TSHZ2: variants seen among roughly 807,000 people sequenced by gnomAD.
TSHZ2 encodes teashirt homolog 2.
TSHZ2 carries 21 observed loss-of-function variants against 74.4 expected under a neutral mutation model. The observed-to-expected ratio is 0.28, with a 90% CI of 0.20 to 0.41. The LOEUF (loss-of-function observed/expected upper bound fraction) is 0.41. Ranked by LOEUF, TSHZ2 falls within the 10% of genes least tolerant of loss-of-function variation. The probability of loss-of-function intolerance (pLI) is 1.00; values close to 1 mark genes in which losing one functional copy is unlikely to be tolerated. For missense variants in TSHZ2, 1,244 were observed against 1,293.5 expected (o/e 0.96, Z 0.59); for synonymous variants, 540 against 515.3 (o/e 1.05, Z -0.65).
chr20:53,352,169 C>A (rs1568881165), intron 2 of TSHZ2, among the ~76,000 whole-genome samples: 1 of 149,578 alleles, frequency 6.7e-6, no homozygotes, highest in African/African-American at 2.5e-5. Context: ...CCACCATGTG[C>A]AAAGTTTGGT....
At chr20:53,199,526 A>G (rs1180685036) in intron 1 of TSHZ2, among the ~76,000 whole-genome samples, 1 of 152,228 alleles carries the variant, frequency 6.6e-6, no homozygotes, top group Non-Finnish European at 1.5e-5. Flanking sequence ...TGTCTATTCA[A>G]TGTAGACATC....
chr20:53,434,588 G>T (rs145444996), intron 2 of TSHZ2, among the ~76,000 whole-genome samples: 1 of 152,336 alleles, frequency 6.6e-6, no homozygotes, highest in East Asian at 1.9e-4. Context: ...CCGTTAGGGG[G>T]ATATTAGACT....
At chr20:53,463,822 A>C (rs1234343707) in intron 2 of TSHZ2, among the ~76,000 whole-genome samples, 1 of 152,228 alleles carries the variant, frequency 6.6e-6, no homozygotes, top group Non-Finnish European at 1.5e-5. Context: ...GTCACTTATT[A>C]GGTGTGAACT....
chr20:53,290,468 GA>G (rs942825332), intron 2 of TSHZ2, among the ~76,000 whole-genome samples: 1 of 150,944 alleles, frequency 6.6e-6, no homozygotes, highest in Non-Finnish European at 1.5e-5. Flanking sequence ...CAAACTACTA[GA>G]AAAAAAAGGA....
intron 1 of TSHZ2, among the ~76,000 whole-genome samples, chr20:53,082,423 A>C (rs527371934): frequency 6.6e-6 from 1 of 152,238 alleles, no homozygotes; most frequent in African/African-American, 2.4e-5. Flanking sequence ...AGGCACCATT[A>C]GTAGTAAAAG....
At chr20:53,073,280 TCATCCATCCATCCCTTCATCCATC>T (rs1985249746) in intron 1 of TSHZ2, among the ~76,000 whole-genome samples, 1 of 111,922 alleles carries the variant, frequency 8.9e-6, no homozygotes. Flanking sequence ...ATCCCTCCAT[TCATCCATCCATCCCTTCATCCATC>T]CATCCATCCA....
At chr20:52,995,892 G>A (rs556409835) in intron 1 of TSHZ2, among the ~76,000 whole-genome samples, 3 of 152,168 alleles carry the variant, frequency 2.0e-5, no homozygotes, top group South Asian at 4.2e-4. Context: ...AAAGTGCTAG[G>A]ATTAAAGGTG....
intron 2 of TSHZ2, among the ~76,000 whole-genome samples, chr20:53,299,534 T>G (rs1991440143): frequency 6.6e-6 from 1 of 152,262 alleles, no homozygotes; most frequent in Non-Finnish European, 1.5e-5. Flanking sequence ...CTTTTTTGTT[T>G]GTTTGTAATT....
chr20:53,290,409 A>AT (rs993518309), intron 2 of TSHZ2, among the ~76,000 whole-genome samples: 1 of 151,968 alleles, frequency 6.6e-6, no homozygotes, highest in Non-Finnish European at 1.5e-5. Flanking sequence ...AAACTAAGTA[A>AT]TTTTTTTTAA....
chr20:53,012,590 G>A (rs191741023), intron 1 of TSHZ2, among the ~76,000 whole-genome samples: 28 of 152,106 alleles, frequency 1.8e-4, no homozygotes, highest in Admixed American at 5.9e-4. Flanking sequence ...GGGAAGGTTC[G>A]CTTCTCCATT....
intron 1 of TSHZ2, among the ~76,000 whole-genome samples, chr20:53,076,857 T>C (rs1985378657): frequency 6.6e-6 from 1 of 152,102 alleles, no homozygotes; most frequent in South Asian, 2.1e-4. Flanking sequence ...CATAATTCAT[T>C]TTGGACGCAA....
intron 2 of TSHZ2, among the ~76,000 whole-genome samples, chr20:53,319,005 C>T (rs986961570): frequency 6.6e-6 from 1 of 152,134 alleles, no homozygotes; most frequent in African/African-American, 2.4e-5. Flanking sequence ...CTTCAGATCT[C>T]ATGAGACTTA....
At chr20:53,150,074 A>G (rs1987639414) in intron 1 of TSHZ2, among the ~76,000 whole-genome samples, 1 of 152,232 alleles carries the variant, frequency 6.6e-6, no homozygotes, top group South Asian at 2.1e-4. Flanking sequence ...TGTTTTACTT[A>G]TACACCTCAC....
At chr20:53,022,200 T>C (rs1297030988) in intron 1 of TSHZ2, among the ~76,000 whole-genome samples, 1 of 152,188 alleles carries the variant, frequency 6.6e-6, no homozygotes, top group East Asian at 1.9e-4. Flanking sequence ...GATACATTCA[T>C]CAGGAAAGAA....
intron 1 of TSHZ2, among the ~76,000 whole-genome samples, chr20:53,116,955 T>G (rs781546397): frequency 1.6e-4 from 24 of 152,084 alleles, no homozygotes; most frequent in Non-Finnish European, 2.8e-4. Context: ...TATTGGGTTC[T>G]GGTGAGGGCC....
chr20:53,271,022 G>A (rs1990824542), intron 2 of TSHZ2, among the ~76,000 whole-genome samples: 2 of 152,262 alleles, frequency 1.3e-5, no homozygotes, highest in South Asian at 2.1e-4. Flanking sequence ...GATAGTCTCT[G>A]CTCTGGCTTA....
chr20:53,251,550 AGTT>A (rs1156767287), intron 1 of TSHZ2, among the ~76,000 whole-genome samples: 1 of 152,218 alleles, frequency 6.6e-6, no homozygotes, highest in Admixed American at 6.5e-5. Flanking sequence ...TAGATTGAGT[AGTT>A]GTTGTTTTTT....
intron 2 of TSHZ2, among the ~76,000 whole-genome samples, chr20:53,338,780 C>T (rs181689518): frequency 1.4e-5 from 2 of 145,964 alleles, no homozygotes; most frequent in African/African-American, 5.6e-5. Flanking sequence ...CAGGAGTACT[C>T]AGCTCCAAAT....
At chr20:53,104,406 G>T (rs1195703133) in intron 1 of TSHZ2, among the ~76,000 whole-genome samples, 1 of 152,172 alleles carries the variant, frequency 6.6e-6, no homozygotes, top group African/African-American at 2.4e-5. Context: ...TCCAGAGAAA[G>T]TACTTTTCAC....
Sources: allele counts gnomAD v4.1 joint callset (sites outside exome capture counted in the v4.1 genomes callset), GRCh38; gene constraint gnomAD v4.1.1; transcripts MANE v1.5; gene names NCBI Gene and HGNC (gene_info 2026-07-23, HGNC 2026-07-21).